HUWE1: variants seen among roughly 807,000 people sequenced by gnomAD.
HUWE1 encodes E3 ubiquitin-protein ligase HUWE1.
In HUWE1, 18 loss-of-function variants were observed where a neutral mutation model predicts 299.4. The observed-to-expected ratio is 0.06, with a 90% CI of 0.04 to 0.09. HUWE1 has a LOEUF of 0.09. HUWE1 is among the 10% of genes least tolerant of loss of function. The probability of loss-of-function intolerance (pLI) is 1.00; values close to 1 mark genes in which losing one functional copy is unlikely to be tolerated. For missense variants in HUWE1, 1,832 were observed against 3,462.3 expected, an observed-to-expected ratio of 0.53 and a Z score of 11.82; for synonymous variants, 1,317 against 1,286.1, an observed-to-expected ratio of 1.02 and a Z score of -0.51.
chrX:53,577,506 TCTCCCTCTCCCTCTCC>T lies in HUWE1; in HGVS notation c.5717-455_5717-440del, dbSNP rs782732450. 7.7e-4 allele frequency among the ~76,000 whole-genome samples: 58 copies of T among 75,761 alleles called. No homozygotes were observed. The East Asian group carries it at 8.3e-3, about 11-fold the overall frequency. The allele number at this position is 75,761 out of a possible 115,157, so 65.8% of individuals were successfully genotyped here. A position where few individuals can be genotyped will look rare whatever the true frequency, so the allele number is the denominator to read the frequency against. On this transcript the variant is annotated intron_variant, in intron 43 of 83. Coordinates refer to ENST00000262854, the MANE Select transcript of HUWE1 (RefSeq NM_031407.7). ...CTCTCCCTCCTCTCCCTCCTCTCCC[TCTCCCTCTCCCTCTCC>T]CTCCCTCTCCCCACGGTCTCCTTCC...
At chrX:53,616,638 C>T (rs782254923) in intron 21 of HUWE1, among the ~76,000 whole-genome samples, 1 of 111,593 alleles carries the variant, frequency 9.0e-6, no homozygotes, top group Non-Finnish European at 1.9e-5. Context: ...GAGAGTTGGA[C>T]ATCAGAACAC....
Position 53,647,580 on chromosome X carries a change from G to C in HUWE1, c.145-6C>G. On this transcript the variant is annotated splice_region_variant and splice_polypyrimidine_tract_variant and intron_variant, in intron 5 of 83. Transcript: ENST00000262854. ...ACCCAGTGATATAACTCGCACTGGA[G>C]AGGGGAGGAAAAAGAGGATGTAAGA... 8.5e-7 allele frequency: 1 copy of C among 1,171,095 alleles called. No homozygotes were observed. Among genetic ancestry groups the C allele is most frequent in the Non-Finnish European group, 1.2e-6 (1 of 858,238 alleles).
In HUWE1 at chrX:53,632,572, T is replaced by A. The variant is rs782788734; in HGVS notation, c.568-8A>T. On this transcript the variant is annotated splice_polypyrimidine_tract_variant and splice_region_variant and intron_variant, in intron 8 of 83. Coordinates refer to ENST00000262854, the MANE Select transcript of HUWE1 (RefSeq NM_031407.7). ...TGCACTGGGTGGATATTTCTGTGTATAAAGCACATCAAAGAATCAGACATT... is the reference window on the plus strand; with the variant it reads ...TGCACTGGGTGGATATTTCTGTGTAAAAAGCACATCAAAGAATCAGACATT... 5 of 1,147,531 alleles carry A rather than the reference T, an allele frequency of 4.4e-6. No homozygotes were observed. The South Asian group carries it at 9.0e-5, about 21-fold the overall frequency. 94.6% of individuals were successfully genotyped at this position (1,147,531 alleles called of 1,213,427 possible). A position where few individuals can be genotyped will look rare whatever the true frequency, so the allele number is the denominator to read the frequency against.
chrX:53,589,993 T>C (rs781979506), intron 35 of HUWE1, among the ~76,000 whole-genome samples, 177 bp from the exon 36 acceptor site: 11 of 111,841 alleles, frequency 9.8e-5, no homozygotes, highest in Non-Finnish European at 1.7e-4. Context: ...ACAGGGAAGG[T>C]AGAAGGGAGG....
chrX:53,577,644 G>A (rs1272691096), intron 43 of HUWE1, among the ~76,000 whole-genome samples: 1 of 112,540 alleles, frequency 8.9e-6, no homozygotes, highest in Admixed American at 9.2e-5. Context: ...TCAGCCTGCC[G>A]AGTGCCTGCG....
intron 31 of HUWE1, 119 bp downstream of exon 31, chrX:53,594,380 G>A: frequency 1.3e-6 from 1 of 780,847 alleles, no homozygotes; most frequent in Non-Finnish European, 1.9e-6. Flanking sequence ...ACAACCAATA[G>A]CTATTTCTAT....
At chrX:53,630,340 TG>T (rs1420052409) in intron 12 of HUWE1, among the ~76,000 whole-genome samples, 2 of 111,902 alleles carry the variant, frequency 1.8e-5, no homozygotes, top group Non-Finnish European at 3.8e-5. Flanking sequence ...TCTATGTGCT[TG>T]TTCTGTGCTA....
chrX:53,607,725 A>T (rs1038249337), intron 24 of HUWE1, 26 bp from the exon 25 acceptor site: 1 of 1,065,202 alleles, frequency 9.4e-7, no homozygotes. Context: ...TTTTTAAAGA[A>T]GTTAGAGCCT....
At chrX:53,666,156 T>C (rs1455806566) in intron 3 of HUWE1, among the ~76,000 whole-genome samples, 1 of 112,124 alleles carries the variant, frequency 8.9e-6, no homozygotes, top group Non-Finnish European at 1.9e-5. Context: ...CCGAGACTTA[T>C]TTTGAAAACT....
Position 53,580,894 on chromosome X carries a change from A to G in HUWE1, c.5653T>C (p.Phe1885Leu). 4.1e-6 allele frequency: 5 copies of G among 1,211,482 alleles called. No homozygotes were observed. Among genetic ancestry groups the G allele is most frequent in the Non-Finnish European group, 4.5e-6 (4 of 895,369 alleles). Residue 1885 changes from phenylalanine to leucine, a missense_variant, in exon 43 of 84, where the codon TTC (phenylalanine) becomes CTC (leucine). This residue lies in a region of HUWE1 where 47 missense variants were observed against 45.8 expected (regional missense o/e 1.03). Transcript: ENST00000262854. ...ATACAGCAGTTGGCCACTTCTGTGA[A>G]TATGTCTGGATTGCGGCATGCGGCT... is the stretch of plus-strand genomic sequence containing the variant. ...GPAACRNPDI[F>L]TEVANCCIRI... is the part of the protein sequence containing the mutation.
At chrX:53,535,922 GTTTT>G (rs34675759) in intron 80 of HUWE1, 30 of 166,827 alleles carry the variant, frequency 1.8e-4, no homozygotes, top group South Asian at 9.7e-4. Flanking sequence ...ATGTACTGGA[GTTTT>G]TTTTTTTTTT....
chrX:53,550,574 TC>T, intron 66 of HUWE1, 91 bp downstream of exon 66: 1 of 799,834 alleles, frequency 1.3e-6, no homozygotes, highest in Non-Finnish European at 1.9e-6. Flanking sequence ...ATCCTGCCTG[TC>T]AGGATTTCAG....
intron 4 of HUWE1, among the ~76,000 whole-genome samples, chrX:53,649,817 T>C (rs2068330422): frequency 1.8e-5 from 2 of 112,392 alleles, no homozygotes. Context: ...GATGTGTAGG[T>C]AAGATGCAGT....
At chrX:53,594,127 A>G (rs896379513) in intron 31 of HUWE1, among the ~76,000 whole-genome samples, 1 of 111,817 alleles carries the variant, frequency 8.9e-6, no homozygotes, top group Admixed American at 9.4e-5. Flanking sequence ...CAAAACAAAA[A>G]AAACACAAAA....
intron 33 of HUWE1, among the ~76,000 whole-genome samples, chrX:53,591,484 G>A (rs2064157534): frequency 8.9e-6 from 1 of 111,834 alleles, no homozygotes; most frequent in African/African-American, 3.3e-5. Flanking sequence ...CAGAGCAAGT[G>A]CCTGAAAAAC....
At position 53,627,905 on chromosome X, in the gene HUWE1, A is replaced by C; in HGVS notation, c.1243-26T>G. The C allele has an allele frequency of 3.4e-6, 4 of 1,193,748 alleles. No individual in the cohort carries two copies. In the East Asian group the frequency reaches 8.9e-5, roughly 27 times the overall value. ...CTATCACGGAGAAAAAGAGGCAAAAACAATGAACTATAAAGACACAAAGTT... is the reference window on the plus strand; with the variant it reads ...CTATCACGGAGAAAAAGAGGCAAAACCAATGAACTATAAAGACACAAAGTT... On this transcript the variant is annotated intron_variant, in intron 15 of 83. Transcript: ENST00000262854.
At chrX:53,594,887 T>A (rs1279186660) in intron 30 of HUWE1, among the ~76,000 whole-genome samples, 4 of 111,725 alleles carry the variant, frequency 3.6e-5, no homozygotes, top group Non-Finnish European at 5.6e-5. Context: ...TCCGCAAATA[T>A]TCCAAAACCC....
intron 63 of HUWE1, 31 bp downstream of exon 63, chrX:53,552,280 C>A (rs1556929754): frequency 1.7e-6 from 2 of 1,207,774 alleles, no homozygotes; most frequent in South Asian, 3.5e-5. Flanking sequence ...CAAAACAATC[C>A]CAGGATGACC....
chrX:53,560,450 A>G (rs782681256), intron 55 of HUWE1, 34 bp from the exon 56 acceptor site: 2 of 1,143,797 alleles, frequency 1.7e-6, no homozygotes, highest in African/African-American at 3.6e-5. Context: ...GTCAGTGTCA[A>G]AAAGAAATTT....
Sources: gnomAD v4.1 joint callset for allele counts (sites outside exome capture counted in the v4.1 genomes callset) on GRCh38, gnomAD v4.1.1 for gene constraint, gnomAD v4.1.1 regional missense constraint, MANE v1.5 for transcripts, NCBI Gene and HGNC (gene_info 2026-07-23, HGNC 2026-07-21) for gene names.